TBC1D21: variants seen among roughly 807,000 people sequenced by gnomAD.
TBC1D21 encodes TBC1 domain family member 21, also known as male germ cell Rab GTPase-activating protein.
In TBC1D21, 38 loss-of-function variants were observed where a neutral mutation model predicts 46.0. The ratio of observed to expected loss-of-function variants is 0.83; its 90% confidence interval spans 0.64 to 1.08. TBC1D21 has a LOEUF of 1.08. Ranked by LOEUF, TBC1D21 falls within the 50% of genes least tolerant of loss-of-function variation. The pLI is 0.00. For missense variants in TBC1D21, 415 were observed against 417.9 expected (o/e 0.99, Z 0.06); for synonymous variants, 151 against 157.2 (o/e 0.96, Z 0.29).
At chr15:73,890,016 T>TAC (rs1000850178), downstream of TBC1D21, among the ~76,000 whole-genome samples, 10 of 151,856 alleles carry the variant, frequency 6.6e-5, no homozygotes, top group African/African-American at 9.7e-5. Context: ...CATACACACA[T>TAC]ACACACACAC....
chr15:73,876,225 T>TTTTTTTTTTTTTTTTTTTG (rs2068063732), intron 1 of TBC1D21, among the ~76,000 whole-genome samples: 3 of 59,006 alleles, frequency 5.1e-5, no homozygotes, highest in Admixed American at 1.9e-4. Context: ...TTTTTTTTTT[T>TTTTTTTTTTTTTTTTTTTG]TTTTTTTTTT....
chr15:73,875,299 AGGAGGGAAGAAG>A, intron 1 of TBC1D21, among the ~76,000 whole-genome samples: 1 of 114,406 alleles, frequency 8.7e-6, no homozygotes, highest in South Asian at 3.3e-4. Context: ...GAAGGAGGGA[AGGAGGGAAGAAG>A]GGAAGGAAGG....
chr15:73,884,095 A>G (rs774513019), intron 3 of TBC1D21, 56 bp from the exon 4 acceptor site: 2 of 1,378,608 alleles, frequency 1.5e-6, no homozygotes, highest in Non-Finnish European at 2.0e-6. Context: ...CTGCTCATTC[A>G]CCACTTATCA....
At chr15:73,881,363 C>A in intron 1 of TBC1D21, 36 bp from the exon 2 acceptor site, 1 of 1,524,200 alleles carries the variant, frequency 6.6e-7, no homozygotes, top group Non-Finnish European at 9.1e-7. Context: ...CCGAAGCCTT[C>A]TAACATAAGG....
chr15:73,887,054 C>T (rs2068261492), intron 8 of TBC1D21, among the ~76,000 whole-genome samples: 1 of 152,186 alleles, frequency 6.6e-6, no homozygotes, highest in African/African-American at 2.4e-5. Context: ...TGACCACAAT[C>T]CTCAGGGCCA....
At chr15:73,894,593 A>G in the TBC1D21 span, among the ~76,000 whole-genome samples, 38,295 of 152,048 alleles carry the variant, frequency 0.25, 5,728 homozygotes, top group African/African-American at 0.41. Flanking sequence ...TGGGGACCCA[A>G]GATGGGGCTG....
the TBC1D21 span, among the ~76,000 whole-genome samples, chr15:73,898,170 C>T: frequency 6.6e-6 from 1 of 152,250 alleles, no homozygotes; most frequent in African/African-American, 2.4e-5. Flanking sequence ...TGCGCAGGCT[C>T]ACCCAGGGAG....
At chr15:73,890,111 C>T (rs867532078), downstream of TBC1D21, among the ~76,000 whole-genome samples, 71 of 152,318 alleles carry the variant, frequency 4.7e-4, no homozygotes, top group African/African-American at 1.7e-3. Context: ...AGGAGGGATC[C>T]CTTGCTTTTG....
At chr15:73,883,586 G>A (rs1196676208) in intron 3 of TBC1D21, among the ~76,000 whole-genome samples, 1 of 152,172 alleles carries the variant, frequency 6.6e-6, no homozygotes, top group East Asian at 1.9e-4. Flanking sequence ...AAAGTCTTAC[G>A]GATCTCGTCC....
chr15:73,878,301 C>T lies in TBC1D21; in HGVS notation c.61-3098C>T, dbSNP rs191748685. 1.8e-3 allele frequency among the ~76,000 whole-genome samples: 273 copies of T among 152,212 alleles called. 2 individuals are homozygous for T. Among genetic ancestry groups the T allele is most frequent in the African/African-American group, 6.5e-3 (269 of 41,524 alleles). Reference sequence around the variant, plus strand: ...AAAAATGAGTGGGTGTGGCTGTATCCTAATAAAACTTTATTTAGAAAAACA... The same window carrying T: ...AAAAATGAGTGGGTGTGGCTGTATCTTAATAAAACTTTATTTAGAAAAACA... On this transcript the variant is annotated intron_variant, in intron 1 of 10. Coordinates refer to ENST00000300504, the MANE Select transcript of TBC1D21 (RefSeq NM_153356.3).
the TBC1D21 span, among the ~76,000 whole-genome samples, chr15:73,898,880 A>AAAAAAAAAAAATATATATATAT: frequency 2.8e-4 from 16 of 56,796 alleles, no homozygotes; most frequent in Non-Finnish European, 4.2e-4. Flanking sequence ...AAAAAAAAAA[A>AAAAAAAAAAAATATATATATAT]ATATATATAT....
downstream of TBC1D21, chr15:73,889,288 A>T: frequency 1.5e-6 from 1 of 646,868 alleles, no homozygotes. Context: ...GGGTCGTACG[A>T]TAGGAAGAGA....
intron 3 of TBC1D21, 40 bp downstream of exon 3, chr15:73,881,787 T>G: frequency 6.4e-7 from 1 of 1,573,018 alleles, no homozygotes; most frequent in East Asian, 2.3e-5. Flanking sequence ...GAGGGGGGCC[T>G]GCAGGTGGCA....
intron 8 of TBC1D21, among the ~76,000 whole-genome samples, chr15:73,887,003 C>G (rs28558917): frequency 0.021 from 3,230 of 152,242 alleles, 88 homozygotes; most frequent in African/African-American, 0.074. Flanking sequence ...CTGTGGAACT[C>G]TCTCACAGAA....
intron 8 of TBC1D21, among the ~76,000 whole-genome samples, chr15:73,887,270 T>C (rs193034256): frequency 1.3e-5 from 2 of 152,302 alleles, no homozygotes; most frequent in African/African-American, 4.8e-5. Flanking sequence ...GGTCATTTAA[T>C]TCCCATCAAC....
At chr15:73,877,500 C>G (rs2068085735) in intron 1 of TBC1D21, among the ~76,000 whole-genome samples, 1 of 78,358 alleles carries the variant, frequency 1.3e-5, no homozygotes, top group Non-Finnish European at 2.5e-5. Flanking sequence ...TCTATACAAA[C>G]ACTTCCAGAA....
chr15:73,881,762 AC>A lies in TBC1D21; in HGVS notation c.272+18del, dbSNP rs1214006707. On this transcript the variant is annotated intron_variant, in intron 3 of 10. Transcript: ENST00000300504. ...AGCATGAGGAGGTAGAACACTCCAG[AC>A]CCTGCTGGGACAGGAGGGGGGCCTG... 1.2e-6 allele frequency: 2 copies of A among 1,609,702 alleles called. No individual in the cohort carries two copies. Among genetic ancestry groups the A allele is most frequent in the Middle Eastern group, 1.7e-4 (1 of 5,996 alleles).
chr15:73,882,316 G>A (rs1380371016), intron 3 of TBC1D21, among the ~76,000 whole-genome samples: 3 of 151,984 alleles, frequency 2.0e-5, no homozygotes, highest in Non-Finnish European at 4.4e-5. Flanking sequence ...GCTCCACATC[G>A]CCCACTATCC....
downstream of TBC1D21, among the ~76,000 whole-genome samples, chr15:73,889,369 C>T (rs1333281074): frequency 1.3e-5 from 2 of 152,152 alleles, no homozygotes; most frequent in East Asian, 3.9e-4. Context: ...GTCAGTGGCT[C>T]CTCCTTGATG....
Sources: gnomAD v4.1 joint callset for allele counts (sites outside exome capture counted in the v4.1 genomes callset) on GRCh38, gnomAD v4.1.1 for gene constraint, MANE v1.5 for transcripts, NCBI Gene and HGNC (gene_info 2026-07-23, HGNC 2026-07-21) for gene names.